The following RGL1 variants were observed in gnomAD, a reference collection of about 807,000 sequenced individuals.
RGL1 encodes ral guanine nucleotide dissociation stimulator-like 1.
RGL1 carries 24 observed loss-of-function variants against 95.2 expected under a neutral mutation model. That is an observed-to-expected ratio of 0.25 (90% CI 0.18 to 0.35). The LOEUF is 0.35. RGL1 is among the 10% of genes least tolerant of loss of function. The pLI, the probability that RGL1 is intolerant of heterozygous loss-of-function variation, is 1.00. For missense variants in RGL1, 715 were observed against 936.3 expected (o/e 0.76, Z 3.08); for synonymous variants, 329 against 344.9 (o/e 0.95, Z 0.51).
chr1:183,857,102 C>G (rs1333676607), intron 3 of RGL1, among the ~76,000 whole-genome samples: 1 of 151,834 alleles, frequency 6.6e-6, no homozygotes, highest in Non-Finnish European at 1.5e-5. Context: ...CTGAGTGAGC[C>G]CAGAGTAATC....
At chr1:183,860,331 G>A (rs538954352) in intron 3 of RGL1, among the ~76,000 whole-genome samples, 5 of 152,208 alleles carry the variant, frequency 3.3e-5, no homozygotes, top group Admixed American at 2.6e-4. Flanking sequence ...CTTTGTGCAG[G>A]CTCTATTCCA....
At chr1:183,736,766 T>A (rs535853686) in intron 1 of RGL1, among the ~76,000 whole-genome samples, 3 of 152,032 alleles carry the variant, frequency 2.0e-5, no homozygotes, top group Admixed American at 6.6e-5. Context: ...GAAATCTGAG[T>A]TGAGTTTGAA....
intron 2 of RGL1, among the ~76,000 whole-genome samples, chr1:183,780,037 A>G (rs1226687179): frequency 6.6e-6 from 1 of 152,174 alleles, no homozygotes; most frequent in Non-Finnish European, 1.5e-5. Context: ...ATACTTAGTG[A>G]GATATAAAGG....
chr1:183,873,910 C>T (rs572940946), intron 4 of RGL1, among the ~76,000 whole-genome samples: 3 of 152,168 alleles, frequency 2.0e-5, no homozygotes, highest in African/African-American at 7.2e-5. Flanking sequence ...CCTTGTGCCT[C>T]GTAGCATCTG....
intron 2 of RGL1, among the ~76,000 whole-genome samples, chr1:183,756,056 TG>T (rs1468310831): frequency 7.2e-5 from 11 of 152,168 alleles, no homozygotes; most frequent in African/African-American, 2.6e-4. Context: ...GCTAGTTTTT[TG>T]TATTTTTAGT....
At chr1:183,823,210 AACT>A (rs1662615931) in intron 2 of RGL1, among the ~76,000 whole-genome samples, 1 of 152,208 alleles carries the variant, frequency 6.6e-6, no homozygotes, top group African/African-American at 2.4e-5. Context: ...TATTGTATGG[AACT>A]TAAATTAGGC....
intron 1 of RGL1, among the ~76,000 whole-genome samples, chr1:183,644,815 A>T (rs1240351226): frequency 6.6e-6 from 1 of 152,240 alleles, no homozygotes; most frequent in Non-Finnish European, 1.5e-5. Context: ...TCCGATCAGC[A>T]GGATTAGATT....
intron 1 of RGL1, chr1:183,636,548 G>A: frequency 5.4e-6 from 1 of 184,372 alleles, no homozygotes; most frequent in East Asian, 1.4e-4. Flanking sequence ...GGCAGGCGCT[G>A]GGGTCGGGTG....
intron 2 of RGL1, among the ~76,000 whole-genome samples, chr1:183,833,562 G>A (rs2500113): frequency 0.8 from 121,356 of 152,154 alleles, 48,547 homozygotes; most frequent in Middle Eastern, 0.88. Flanking sequence ...CAGGCAAATA[G>A]ATCCATAAAT....
In RGL1 at chr1:183,892,140, C is replaced by T; in HGVS notation, c.1119C>T (p.Thr373=). ...DIFSDHNNHL[T]SRELLMKEGT... ...TCTCAGACCATAATAACCATTTGAC[C>T]AGCCGAGAACTACTGATGAAGGTGA... Residue 373 remains threonine (T), a synonymous_variant, in exon 9 of 18, where the codon ACC becomes ACT. Coordinates refer to ENST00000360851, the MANE Select transcript of RGL1 (RefSeq NM_001297671.3). The T allele has an allele frequency of 6.2e-7, 1 of 1,612,138 alleles. No homozygotes were observed. Among genetic ancestry groups the T allele is most frequent in the Non-Finnish European group, 8.5e-7 (1 of 1,178,728 alleles).
intron 2 of RGL1, among the ~76,000 whole-genome samples, chr1:183,763,319 A>G (rs535311707): frequency 1.3e-5 from 2 of 152,276 alleles, no homozygotes; most frequent in Admixed American, 6.5e-5. Context: ...GTAAACCACT[A>G]TGGCACATGT....
At chr1:183,764,583 C>A (rs953929997) in intron 2 of RGL1, among the ~76,000 whole-genome samples, 1 of 152,134 alleles carries the variant, frequency 6.6e-6, no homozygotes, top group Non-Finnish European at 1.5e-5. Flanking sequence ...CCATAAACAT[C>A]ACTTCTATGG....
intron 1 of RGL1, among the ~76,000 whole-genome samples, chr1:183,696,763 T>A (rs1281083828): frequency 6.6e-6 from 1 of 152,192 alleles, no homozygotes; most frequent in African/African-American, 2.4e-5. Flanking sequence ...GCCCCAAATT[T>A]TAGTCATCCC....
intron 4 of RGL1, among the ~76,000 whole-genome samples, chr1:183,875,492 T>C (rs1158284662): frequency 6.6e-6 from 1 of 152,202 alleles, no homozygotes; most frequent in African/African-American, 2.4e-5. Flanking sequence ...CTAGAAGTTC[T>C]GAACCATTTT....
intron 1 of RGL1, among the ~76,000 whole-genome samples, chr1:183,641,862 T>G (rs1649948268): frequency 6.6e-6 from 1 of 152,242 alleles, no homozygotes; most frequent in Non-Finnish European, 1.5e-5. Flanking sequence ...TTTCTCTTCT[T>G]GAATCAATTT....
chr1:183,802,912 C>CT (rs1661075670), upstream of RGL1, among the ~76,000 whole-genome samples: 1 of 152,210 alleles, frequency 6.6e-6, no homozygotes, highest in Admixed American at 6.5e-5. Context: ...TTATAAATGG[C>CT]TTACTGGTTT....
chr1:183,834,580 C>CATACT (rs10638591), intron 2 of RGL1, among the ~76,000 whole-genome samples: 121,019 of 151,538 alleles, frequency 0.8, 48,468 homozygotes, highest in Middle Eastern at 0.88. Context: ...AATTCACACT[C>CATACT]ATCATCTCTA....
intron 9 of RGL1, among the ~76,000 whole-genome samples, chr1:183,892,802 T>C (rs770901501): frequency 9.9e-5 from 15 of 152,118 alleles, no homozygotes; most frequent in Non-Finnish European, 2.2e-4. Flanking sequence ...ACAACAAGAA[T>C]AAATAGTCAA....
chr1:183,866,938 C>G (rs7520010), intron 4 of RGL1, among the ~76,000 whole-genome samples: 1,755 of 152,190 alleles, frequency 0.012, 38 homozygotes, highest in African/African-American at 0.041. Context: ...GTGTTGGTGG[C>G]AGGACAAGCT....
Sources: gnomAD v4.1 joint callset for allele counts (sites outside exome capture counted in the v4.1 genomes callset) on GRCh38, gnomAD v4.1.1 for gene constraint, MANE v1.5 for transcripts, NCBI Gene and HGNC (gene_info 2026-07-23, HGNC 2026-07-21) for gene names.